LPP: variants seen among roughly 807,000 people sequenced by gnomAD.
LPP encodes the protein LIM domain containing preferred translocation partner in lipoma.
A neutral mutation model predicts 60.4 loss-of-function variants in LPP; 38 were observed. The observed-to-expected ratio is 0.63, with a 90% CI of 0.49 to 0.83. The LOEUF is 0.83. LPP is among the 40% of genes least tolerant of loss of function. The pLI, the probability that LPP is intolerant of heterozygous loss-of-function variation, is 0.00. For synonymous variants in LPP, 328 were observed against 290.8 expected (o/e 1.13, Z -1.30); for missense variants, 902 against 783.6 (o/e 1.15, Z -1.80).
intron 9 of LPP, among the ~76,000 whole-genome samples, chr3:188,764,136 A>G (rs752922805): frequency 5.3e-5 from 8 of 152,126 alleles, no homozygotes; most frequent in Non-Finnish European, 1.0e-4. Flanking sequence ...GGTTATTCTT[A>G]TAGATTTGAA....
In LPP at chr3:188,196,263, C is replaced by T. The variant is rs191950969; in HGVS notation, c.-189-29142C>T. Among the ~76,000 whole-genome samples, 365 of 152,332 alleles carry T rather than the reference C, an allele frequency of 2.4e-3. 1 individual carries two copies. Among genetic ancestry groups the T allele is most frequent in the African/African-American group, 8.5e-3 (354 of 41,570 alleles). ...TCTCCAGTTTGGAACTCCTGAACTTCAGGCCCACACTCCTACATGCCTTTT... is the reference window on the plus strand; with the variant it reads ...TCTCCAGTTTGGAACTCCTGAACTTTAGGCCCACACTCCTACATGCCTTTT... On this transcript the variant is annotated intron_variant, in intron 1 of 11. Transcript: ENST00000617246.
At chr3:188,755,525 C>T (rs1282631625) in intron 8 of LPP, among the ~76,000 whole-genome samples, 1 of 152,068 alleles carries the variant, frequency 6.6e-6, no homozygotes, top group African/African-American at 2.4e-5. Context: ...ACAACCCAGC[C>T]TGGTGCAGTG....
chr3:188,293,937 G>C (rs1338571984), intron 2 of LPP, among the ~76,000 whole-genome samples: 2 of 151,588 alleles, frequency 1.3e-5, no homozygotes, highest in African/African-American at 2.4e-5. Context: ...GTAGTAGTGT[G>C]TGCCTGTAAT....
At chr3:188,579,874 TG>T (rs1329850196) in intron 6 of LPP, among the ~76,000 whole-genome samples, 2 of 36,464 alleles carry the variant, frequency 5.5e-5, no homozygotes, top group Middle Eastern at 0.012. Flanking sequence ...CATTGGGGGT[TG>T]GGGGGGTTGG....
At chr3:188,203,621 A>G (rs1328764994) in intron 1 of LPP, among the ~76,000 whole-genome samples, 4 of 120,942 alleles carry the variant, frequency 3.3e-5, no homozygotes, top group African/African-American at 1.3e-4. Flanking sequence ...ATTTAAATAT[A>G]TATACATATC....
At chr3:188,430,054 G>T (rs1790505541) in intron 4 of LPP, among the ~76,000 whole-genome samples, 1 of 152,154 alleles carries the variant, frequency 6.6e-6, no homozygotes, top group African/African-American at 2.4e-5. Context: ...TCAAAAATAA[G>T]TTAAAAGCTT....
intron 2 of LPP, among the ~76,000 whole-genome samples, chr3:188,237,444 G>A (rs1053938875): frequency 2.0e-5 from 3 of 152,094 alleles, no homozygotes; most frequent in Non-Finnish European, 4.4e-5. Context: ...AATTTACTTT[G>A]TCCGCATTCA....
Position 188,322,080 on chromosome 3 carries a change from C to T in LPP, c.-66-19583C>T, listed in dbSNP as rs186810719. 2.8e-3 allele frequency among the ~76,000 whole-genome samples: 432 copies of T among 152,328 alleles called. 1 individual carries two copies. The highest frequency in any genetic ancestry group is 4.2e-3 in the Admixed American group (64 of 15,302). ...CAGAAAAGGATGCTGCTTACATATA[C>T]GAATCCCCATCTTTGCTCAGATATT... is the stretch of plus-strand genomic sequence containing the variant. On this transcript the variant is annotated intron_variant, in intron 2 of 11. Transcript: ENST00000617246.
Position 188,886,685 on chromosome 3 carries a change from A to G in LPP, c.*12206A>G, listed in dbSNP as rs1770702035. On this transcript the variant is annotated 3_prime_UTR_variant, in exon 12 of 12. Coordinates refer to ENST00000617246, the MANE Select transcript of LPP (RefSeq NM_001375462.1). ...TTCACTTTACATAATATGTTCTCCC[A>G]TATTTAGGGATCATACAATTGTATT... is the stretch of plus-strand genomic sequence containing the variant. 4.5e-6 allele frequency: 1 copy of G among 220,050 alleles called. No homozygotes were observed. The highest frequency in any genetic ancestry group is 2.3e-5 in the African/African-American group (1 of 43,810). The allele number at this position is 220,050 out of a possible 1,614,324, so 13.6% of individuals were successfully genotyped here.
chr3:188,435,001 G>A (rs763662072), intron 4 of LPP, among the ~76,000 whole-genome samples: 8 of 152,192 alleles, frequency 5.3e-5, no homozygotes, highest in Non-Finnish European at 8.8e-5. Flanking sequence ...ACATCTCAGT[G>A]TGGTATAGGA....
intron 6 of LPP, among the ~76,000 whole-genome samples, chr3:188,544,271 A>G (rs1825956781): frequency 6.6e-6 from 1 of 152,140 alleles, no homozygotes; most frequent in South Asian, 2.1e-4. Flanking sequence ...AAAGATACAC[A>G]TGTTCAACTT....
intron 1 of LPP, among the ~76,000 whole-genome samples, chr3:188,158,365 A>G (rs1379722100): frequency 6.6e-6 from 1 of 152,170 alleles, no homozygotes; most frequent in African/African-American, 2.4e-5. Flanking sequence ...GAGGGAACAT[A>G]TGAGGCGGAG....
At chr3:188,442,865 G>T (rs1372439855) in intron 4 of LPP, among the ~76,000 whole-genome samples, 2 of 152,206 alleles carry the variant, frequency 1.3e-5, no homozygotes, top group African/African-American at 4.8e-5. Context: ...AGCTGGCTCT[G>T]TGAAGAAGAA....
chr3:188,230,325 C>G (rs933287590), intron 2 of LPP, among the ~76,000 whole-genome samples: 6 of 152,140 alleles, frequency 3.9e-5, no homozygotes, highest in Non-Finnish European at 7.3e-5. Context: ...ACCTCATGAT[C>G]CATCCACCTT....
chr3:188,606,453 T>G (rs539472744), intron 6 of LPP, among the ~76,000 whole-genome samples: 2 of 152,242 alleles, frequency 1.3e-5, no homozygotes, highest in African/African-American at 4.8e-5. Flanking sequence ...TATCTTTTTG[T>G]TTGGTTGGTT....
At position 188,878,605 on chromosome 3, in the gene LPP, T is replaced by C. The variant is rs1430233449; in HGVS notation, c.*4126T>C. The C allele has an allele frequency of 4.8e-6, 1 of 209,328 alleles. No individual in the cohort carries two copies. The highest frequency in any genetic ancestry group is 7.2e-5 in the East Asian group (1 of 13,886). The allele number at this position is 209,328 out of a possible 1,614,324, so 13.0% of individuals were successfully genotyped here. On this transcript the variant is annotated 3_prime_UTR_variant, in exon 12 of 12. Coordinates refer to ENST00000617246, the MANE Select transcript of LPP (RefSeq NM_001375462.1). ...CCATTTCTTGGGATCGCTCGTTTGG[T>C]GCACTCTCGTGGGAGACAATCAGAG... is the stretch of plus-strand genomic sequence containing the variant.
chr3:188,374,885 A>C (rs527318368), intron 3 of LPP, among the ~76,000 whole-genome samples: 1 of 152,152 alleles, frequency 6.6e-6, no homozygotes, highest in South Asian at 2.1e-4. Flanking sequence ...CGTCCCATCA[A>C]TACCTAATTT....
intron 8 of LPP, among the ~76,000 whole-genome samples, chr3:188,748,514 C>T (rs1241016003): frequency 4.6e-5 from 7 of 152,048 alleles, no homozygotes; most frequent in Admixed American, 1.3e-4. Flanking sequence ...CCGGGCACAG[C>T]GGCTCACACC....
chr3:188,687,777 T>C lies in LPP; in HGVS notation c.1114-20490T>C, dbSNP rs1033486191. On this transcript the variant is annotated intron_variant, in intron 7 of 11. Transcript: ENST00000617246. The stretch of plus-strand genomic sequence containing the variant: ...TGTCTAACCAGCTGTCTTATACTCT[T>C]TTTTTTTTTTTTTTTGAGATGAAGT... Among the ~76,000 whole-genome samples the C allele has an allele frequency of 9.3e-5, 13 of 140,048 alleles. 1 individual carries two copies. Among genetic ancestry groups the C allele is most frequent in the African/African-American group, 3.2e-4 (11 of 34,782 alleles). The allele number at this position is 140,048 out of a possible 152,430, so 91.9% of individuals were successfully genotyped here.
Sources: allele counts gnomAD v4.1 joint callset (sites outside exome capture counted in the v4.1 genomes callset), GRCh38; gene constraint gnomAD v4.1.1; transcripts MANE v1.5; gene names NCBI Gene and HGNC (gene_info 2026-07-23, HGNC 2026-07-21).